Variants in CACNA1F observed in about 807,000 individuals in gnomAD.
The protein encoded by CACNA1F is calcium voltage-gated channel subunit alpha1 F, also known as voltage-dependent L-type calcium channel subunit alpha-1F.
A neutral mutation model predicts 143.8 loss-of-function variants in CACNA1F; 59 were observed. That is an observed-to-expected ratio of 0.41 (90% CI 0.33 to 0.51). The LOEUF (loss-of-function observed/expected upper bound fraction) is 0.51, where lower values mean the gene tolerates loss of function less well. CACNA1F is among the 20% of genes least tolerant of loss of function. CACNA1F has a pLI of 0.22. For missense variants in CACNA1F, 1,411 were observed against 1,647.5 expected (o/e 0.86, Z 2.48); for synonymous variants, 643 against 649.1 (o/e 0.99, Z 0.14).
chrX:49,224,695 G>T, intron 14 of CACNA1F, 66 bp downstream of exon 14: 1 of 685,417 alleles, frequency 1.5e-6, no homozygotes, highest in Non-Finnish European at 2.3e-6. Flanking sequence ...AGTTATCATT[G>T]GAGCTTGGGT....
At chrX:49,219,602 C>T (rs2065755053) in intron 20 of CACNA1F, 32 bp downstream of exon 20, 1 of 1,185,639 alleles carries the variant, frequency 8.4e-7, no homozygotes, top group Non-Finnish European at 1.1e-6. Flanking sequence ...CTAGCCCCTC[C>T]TGCCTCACCC....
At chrX:49,206,365 C>T in intron 46 of CACNA1F, 146 bp downstream of exon 46, 2 of 424,518 alleles carry the variant, frequency 4.7e-6, no homozygotes, top group Non-Finnish European at 4.0e-6. Context: ...TGTACTCCAG[C>T]CTGGGCAGCA....
chrX:49,229,347 G>C (rs1356787291), intron 6 of CACNA1F, among the ~76,000 whole-genome samples: 1 of 111,353 alleles, frequency 9.0e-6, no homozygotes, highest in Non-Finnish European at 1.9e-5. Flanking sequence ...AGTAGAGATG[G>C]GGTTTCACTA....
chrX:49,208,419 T>G, intron 43 of CACNA1F, 96 bp downstream of exon 43: 7 of 175,964 alleles, frequency 4.0e-5, no homozygotes, highest in East Asian at 3.6e-4. Flanking sequence ...AGGCCCTCCC[T>G]CCCACCCCCC....
intron 8 of CACNA1F, 108 bp downstream of exon 8, chrX:49,227,928 T>C (rs1557110382): frequency 1.8e-6 from 1 of 558,126 alleles, no homozygotes; most frequent in Non-Finnish European, 3.2e-6. Context: ...CATGATTGAA[T>C]GAAGGAGTAT....
chrX:49,232,088 G>A (rs782512665), intron 1 of CACNA1F, among the ~76,000 whole-genome samples, 161 bp from the exon 2 acceptor site: 67 of 111,894 alleles, frequency 6.0e-4, no homozygotes, highest in African/African-American at 2.0e-3. Flanking sequence ...AAGAGTGTTC[G>A]AATTAAGATT....
chrX:49,220,541 G>C lies in CACNA1F; in HGVS notation c.2335-17C>G. 7 of 1,182,852 alleles carry C rather than the reference G, an allele frequency of 5.9e-6. No individual in the cohort carries two copies. Among genetic ancestry groups the C allele is most frequent in the Non-Finnish European group, 6.9e-6 (6 of 869,957 alleles). ...ACCAGGCACCTGAGGACAGGAAGAC[G>C]GGAGTCATCAATGGTGAGGGAGACA... On this transcript the variant is annotated splice_polypyrimidine_tract_variant and intron_variant, in intron 18 of 47. Coordinates refer to ENST00000323022, the MANE Select transcript of CACNA1F (RefSeq NM_001256789.3).
rs375862263 is a variant in CACNA1F, at chrX:49,219,759, C to CTCT, written c.2415_2417dup (p.Glu814dup). 3 of 1,130,565 alleles carry CTCT rather than the reference C, an allele frequency of 2.7e-6. No homozygotes were observed. In the African/African-American group the frequency reaches 6.3e-5, roughly 24 times the overall value. 93.2% of individuals were successfully genotyped at this position (1,130,565 alleles called of 1,213,427 possible). On this transcript the variant is annotated inframe_insertion, in exon 20 of 48. Coordinates refer to ENST00000323022, the MANE Select transcript of CACNA1F (RefSeq NM_001256789.3). ...CCTCTTCCTCTTCTTCCTCTTCTTCCTCTTCTTCCTCCTCCTCCTCCTCCT... is the reference window on the plus strand; with the variant it reads ...CCTCTTCCTCTTCTTCCTCTTCTTCCTCTTCTTCTTCCTCCTCCTCCTCCTCCT...
At position 49,206,727 on chromosome X, in the gene CACNA1F, C is replaced by T. The variant is rs1557104968; in HGVS notation, c.5359+1G>A. 8.3e-7 allele frequency: 1 copy of T among 1,205,490 alleles called. No individual in the cohort carries two copies. Among genetic ancestry groups the T allele is most frequent in the East Asian group, 3.0e-5 (1 of 33,806 alleles). On this transcript the variant is annotated splice_donor_variant, in intron 45 of 47. Coordinates refer to ENST00000323022, the MANE Select transcript of CACNA1F (RefSeq NM_001256789.3). LOFTEE classifies it high-confidence loss of function. ...CCCCTTGGATCCATCCCTGCTCTCA[C>T]CTGCAGGTGTGGGGGGCAGCAGACG... is the stretch of plus-strand genomic sequence containing the variant.
intron 43 of CACNA1F, among the ~76,000 whole-genome samples, chrX:49,207,720 G>A (rs1386805715): frequency 3.6e-5 from 4 of 110,094 alleles, no homozygotes; most frequent in African/African-American, 6.6e-5. Flanking sequence ...GTGAGCCACC[G>A]TGCCTAGGCA....
At chrX:49,214,414 A>T (rs2065690680) in intron 29 of CACNA1F, 145 bp from the exon 30 acceptor site, 1 of 504,697 alleles carries the variant, frequency 2.0e-6, no homozygotes, top group Admixed American at 2.7e-5. Context: ...TCTGCCTCCC[A>T]TTATGGATAC....
intron 26 of CACNA1F, among the ~76,000 whole-genome samples, chrX:49,216,813 T>C (rs1180470412): frequency 8.9e-6 from 1 of 112,148 alleles, no homozygotes; most frequent in Non-Finnish European, 1.9e-5. Context: ...GTCTGGCACA[T>C]AGTTGGCATC....
At position 49,226,279 on chromosome X, in the gene CACNA1F, A is replaced by G. The variant is rs200431744; in HGVS notation, c.1464-36T>C. 1,431 of 1,159,161 alleles carry G rather than the reference A, an allele frequency of 1.2e-3. 1 individual carries two copies. The highest frequency in any genetic ancestry group is 1.6e-3 in the Non-Finnish European group (1,336 of 849,167). The stretch of plus-strand genomic sequence containing the variant: ...AGGGGGATGGGAGGTGTGTGTCGTA[A>G]AGGGCAGAAGGGGTGTCAGTGACTG... On this transcript the variant is annotated intron_variant, in intron 11 of 47. Coordinates refer to ENST00000323022, the MANE Select transcript of CACNA1F (RefSeq NM_001256789.3).
intron 39 of CACNA1F, 111 bp from the exon 40 acceptor site, chrX:49,210,153 C>G: frequency 1.5e-6 from 1 of 678,563 alleles, no homozygotes; most frequent in East Asian, 3.2e-5. Context: ...ATGCACACCG[C>G]CCCCATTGGA....
At chrX:49,229,919 G>C (rs2065860945) in intron 6 of CACNA1F, among the ~76,000 whole-genome samples, 1 of 112,465 alleles carries the variant, frequency 8.9e-6, no homozygotes, top group Non-Finnish European at 1.9e-5. Context: ...CAAAGTGCTG[G>C]GATTACAGGC....
intron 2 of CACNA1F, 144 bp from the exon 3 acceptor site, chrX:49,231,451 C>T (rs2065877992): frequency 1.6e-6 from 1 of 609,872 alleles, no homozygotes; most frequent in African/African-American, 2.2e-5. Context: ...AAGGCCTTGA[C>T]TTTGTCCCTC....
chrX:49,233,017 G>T (rs2065891614), intron 1 of CACNA1F, among the ~76,000 whole-genome samples: 1 of 110,138 alleles, frequency 9.1e-6, no homozygotes, highest in South Asian at 3.9e-4. Flanking sequence ...TTGGATAGGG[G>T]TCAGAGCCAG....
chrX:49,219,768 C>T lies in CACNA1F; in HGVS notation c.2409G>A (p.Glu803=), dbSNP rs1395058526. The change falls in exon 20 of 48, where the codon GAG becomes GAA. Residue 803 remains glutamate, a synonymous_variant. Coordinates refer to ENST00000323022, the MANE Select transcript of CACNA1F (RefSeq NM_001256789.3). ...EGADMEEEEE[E]EEEEEEEEEE... Reference sequence around the variant, plus strand: ...CTTCTTCCTCTTCTTCCTCTTCTTCCTCCTCCTCCTCCTCCTCCATGTCTG... The same window carrying T: ...CTTCTTCCTCTTCTTCCTCTTCTTCTTCCTCCTCCTCCTCCTCCATGTCTG... The T allele has an allele frequency of 7.3e-6, 7 of 957,124 alleles. No homozygotes were observed. The highest frequency in any genetic ancestry group is 7.2e-6 in the Non-Finnish European group (5 of 694,847). 78.9% of individuals were successfully genotyped at this position (957,124 alleles called of 1,213,427 possible).
At chrX:49,212,937 A>C (rs2065672951) in intron 32 of CACNA1F, 37 bp downstream of exon 32, 1 of 1,192,123 alleles carries the variant, frequency 8.4e-7, no homozygotes, top group African/African-American at 1.8e-5. Flanking sequence ...GGACATGGGA[A>C]AAGAAGCAGA....
Sources: allele counts gnomAD v4.1 joint callset (sites outside exome capture counted in the v4.1 genomes callset), GRCh38; gene constraint gnomAD v4.1.1; transcripts MANE v1.5; gene names NCBI Gene and HGNC (gene_info 2026-07-23, HGNC 2026-07-21).